Variants in SYNJ2 observed in about 807,000 individuals in gnomAD.
SYNJ2 encodes the protein polyphosphatidylinositol phosphatase SYNJ2.
In SYNJ2, 116 loss-of-function variants were observed where a neutral mutation model predicts 141.3. The observed-to-expected ratio is 0.82, with a 90% CI of 0.71 to 0.96. The LOEUF is 0.96. Ranked by LOEUF, SYNJ2 falls within the 40% of genes least tolerant of loss-of-function variation. SYNJ2 has a pLI of 0.00. For missense variants in SYNJ2, 1,873 were observed against 1,934.8 expected, an observed-to-expected ratio of 0.97 and a Z score of 0.60; for synonymous variants, 745 against 777.7, an observed-to-expected ratio of 0.96 and a Z score of 0.70.
chr6:158,098,580 A>C lies in SYNJ2; in HGVS notation c.*2216A>C, dbSNP rs1189568306. On this transcript the variant is annotated 3_prime_UTR_variant, in exon 27 of 27. Transcript: ENST00000355585. ...AATTGGAATTGCCTTATTTATTTTT[A>C]AAATCAATGCTTACTAGTTGGTAGG... The C allele has an allele frequency of 2.6e-5, 4 of 151,366 alleles. No individual in the cohort carries two copies. The highest frequency in any genetic ancestry group is 4.4e-5 in the Non-Finnish European group (3 of 67,922). The allele number at this position is 151,366 out of a possible 1,614,324, so 9.4% of individuals were successfully genotyped here.
chr6:157,981,796 T>G (rs2128311327), upstream of SYNJ2: 56 of 481,112 alleles, frequency 1.2e-4, no homozygotes, highest in Middle Eastern at 6.6e-4. The surrounding 1 kb of genome is among the most constrained non-coding windows in gnomAD (Gnocchi z 6.4). Flanking sequence ...GAGGCGCGAG[T>G]GGGGAGGAGG....
intron 4 of SYNJ2, among the ~76,000 whole-genome samples, chr6:158,039,963 G>A (rs556386976): frequency 8.5e-5 from 13 of 152,296 alleles, no homozygotes; most frequent in Admixed American, 1.3e-4. Context: ...TGCGGTCATC[G>A]TCTGGCAAAC....
chr6:158,047,206 G>T (rs1367856278), intron 5 of SYNJ2, among the ~76,000 whole-genome samples: 1 of 152,156 alleles, frequency 6.6e-6, no homozygotes, highest in African/African-American at 2.4e-5. Flanking sequence ...TGCATGCCGT[G>T]GGTCTTGTGT....
At position 158,096,022 on chromosome 6, in the gene SYNJ2, T is replaced by C. The variant is rs1472660866; in HGVS notation, c.4149T>C (p.Phe1383=). The stretch of plus-strand genomic sequence containing the variant: ...GCACCGTCTTCCCACAAGGGGACTT[T>C]CTCAGCACTTCATCTGCTACAAGCC... ...AAGTVFPQGD[F]LSTSSATSPD... is the part of the protein sequence containing the mutation. The change falls in exon 27 of 27, where the codon TTT becomes TTC. Residue 1383 remains phenylalanine, a synonymous_variant. Coordinates refer to ENST00000355585, the MANE Select transcript of SYNJ2 (RefSeq NM_003898.4). The C allele has an allele frequency of 6.2e-7, 1 of 1,614,222 alleles. No individual in the cohort carries two copies. Among genetic ancestry groups the C allele is most frequent in the Non-Finnish European group, 8.5e-7 (1 of 1,180,044 alleles).
At chr6:157,987,911 C>T (rs559549942) in intron 1 of SYNJ2, among the ~76,000 whole-genome samples, 12 of 152,344 alleles carry the variant, frequency 7.9e-5, no homozygotes, top group African/African-American at 2.4e-4. Flanking sequence ...TGGGAAGGGT[C>T]GACCACAGCC....
rs776920911 is a variant in SYNJ2 at position 158,083,592 on chromosome 6, C to G, written c.3029C>G (p.Ser1010Ter). Residue 1010 changes from serine (S) to a stop codon, truncating the protein, a stop_gained, in exon 21 of 27, where the codon TCA becomes TGA. Transcript: ENST00000355585. LOFTEE classifies it high-confidence loss of function. ...GACTTCACAAGTTTGGACTATGAGTCAGAAGGTTAGTGACCCTGCAGGGAG... is the reference window on the plus strand; with the variant it reads ...GACTTCACAAGTTTGGACTATGAGTGAGAAGGTTAGTGACCCTGCAGGGAG... ...NFDFTSLDYE[S>*]EGDILEDDED... 1.2e-6 allele frequency: 2 copies of G among 1,614,120 alleles called. No homozygotes were observed. The highest frequency in any genetic ancestry group is 8.5e-7 in the Non-Finnish European group (1 of 1,180,020).
chr6:158,087,121 G>A (rs1783101522), intron 23 of SYNJ2, 132 bp downstream of exon 23: 1 of 1,078,800 alleles, frequency 9.3e-7, no homozygotes, highest in East Asian at 2.6e-5. Flanking sequence ...CTCCTCCTTG[G>A]GCTCCGTTTT....
intron 24 of SYNJ2, among the ~76,000 whole-genome samples, 159 bp from the exon 25 acceptor site, chr6:158,089,680 C>T (rs1783304938): frequency 6.6e-6 from 1 of 151,874 alleles, no homozygotes; most frequent in African/African-American, 2.4e-5. Flanking sequence ...AGAGAGTGCT[C>T]CAGGAAAGAG....
chr6:158,051,712 C>G (rs975507757), intron 5 of SYNJ2, among the ~76,000 whole-genome samples: 2 of 150,590 alleles, frequency 1.3e-5, no homozygotes, highest in African/African-American at 4.9e-5. Flanking sequence ...TTTGAGAGGC[C>G]GAGGTGGGTG....
Position 158,092,955 on chromosome 6 carries a change from G to A in SYNJ2, c.3595G>A (p.Ala1199Thr), listed in dbSNP as rs751190012. 8.7e-6 allele frequency: 14 copies of A among 1,601,390 alleles called. No homozygotes were observed. The highest frequency in any genetic ancestry group is 1.4e-5 in the African/African-American group (1 of 73,560). ...GASEEALSAV[A>T]PRDLEASSEP... Reference sequence around the variant, plus strand: ...CTCCGAAGAAGCCCTAAGTGCCGTGGCCCCAAGGGACCTTGAAGCATCCTC... The same window carrying A: ...CTCCGAAGAAGCCCTAAGTGCCGTGACCCCAAGGGACCTTGAAGCATCCTC... The change falls in exon 26 of 27, where the codon GCC becomes ACC. Residue 1199 changes from alanine to threonine, a missense_variant. Coordinates refer to ENST00000355585, the MANE Select transcript of SYNJ2 (RefSeq NM_003898.4).
chr6:158,067,700 C>T (rs1781651050), intron 12 of SYNJ2: 2 of 985,200 alleles, frequency 2.0e-6, no homozygotes, highest in Admixed American at 6.1e-5. Context: ...CTGGGTAGTA[C>T]CCAGAGCCCC....
intron 8 of SYNJ2, among the ~76,000 whole-genome samples, chr6:158,063,041 A>G (rs537758993): frequency 4.7e-4 from 71 of 152,300 alleles, no homozygotes; most frequent in Middle Eastern, 3.4e-3. Flanking sequence ...AAGCAAATAT[A>G]TATATTCAAT....
rs112555372 is a variant in SYNJ2 at position 158,033,295 on chromosome 6, G to A, written c.486-160G>A. 4.1e-3 allele frequency among the ~76,000 whole-genome samples: 626 copies of A among 152,338 alleles called. 3 individuals are homozygous for A. Among genetic ancestry groups the A allele is most frequent in the African/African-American group, 0.014 (585 of 41,570 alleles). On this transcript the variant is annotated intron_variant, in intron 3 of 26. Coordinates refer to ENST00000355585, the MANE Select transcript of SYNJ2 (RefSeq NM_003898.4). ...TGAAGCACATGAACTTCCCAGATCTGTACAGCCCAAGTGCAGAGTCCACTG... is the reference window on the plus strand; with the variant it reads ...TGAAGCACATGAACTTCCCAGATCTATACAGCCCAAGTGCAGAGTCCACTG...
Position 157,982,728 on chromosome 6 carries a change from G to C in SYNJ2, c.127+640G>C, listed in dbSNP as rs1005532657. ...GGCATTGTGCTATGGGCTTTAGTAC[G>C]TGATCTCACTTAATTCTCACAATTC... On this transcript the variant is annotated intron_variant, in intron 1 of 26. Transcript: ENST00000355585. This position sits in a 1 kb window ranked among gnomAD's most constrained non-coding sequence, Gnocchi z 4.0. Among the ~76,000 whole-genome samples, 2 of 152,168 alleles carry C rather than the reference G, an allele frequency of 1.3e-5. No individual in the cohort carries two copies. The highest frequency in any genetic ancestry group is 2.9e-5 in the Non-Finnish European group (2 of 68,032).
At chr6:158,004,607 C>T (rs1237567090) in intron 1 of SYNJ2, among the ~76,000 whole-genome samples, 5 of 152,192 alleles carry the variant, frequency 3.3e-5, no homozygotes, top group African/African-American at 1.2e-4. Flanking sequence ...TAAAAATGGG[C>T]AACCAGCAGC....
At chr6:157,998,685 T>G (rs922916475) in intron 1 of SYNJ2, among the ~76,000 whole-genome samples, 6 of 152,212 alleles carry the variant, frequency 3.9e-5, no homozygotes, top group Non-Finnish European at 5.9e-5. Flanking sequence ...TTTCACAGTG[T>G]TACGGCATGG....
At chr6:158,011,606 T>C (rs1484004559) in intron 1 of SYNJ2, among the ~76,000 whole-genome samples, 1 of 152,210 alleles carries the variant, frequency 6.6e-6, no homozygotes. Flanking sequence ...TGTGCTTAAT[T>C]TTCCCAGTGG....
At position 158,095,755 on chromosome 6, in the gene SYNJ2, T is replaced by G. The variant is rs760323227; in HGVS notation, c.3882T>G (p.Pro1294=). ...TTCCCAAACCAAGAACATTTCAGCC[T>G]GGGAAAGCTGCAGAGAGGCCAAGCC... ...PPVPKPRTFQ[P]GKAAERPSHR... is the part of the protein sequence containing the mutation. Residue 1294 remains proline (P), a synonymous_variant, in exon 27 of 27, where the codon CCT becomes CCG. Coordinates refer to ENST00000355585, the MANE Select transcript of SYNJ2 (RefSeq NM_003898.4). 4 of 1,614,058 alleles carry G rather than the reference T, an allele frequency of 2.5e-6. No individual in the cohort carries two copies. In the South Asian group the frequency reaches 4.4e-5, roughly 18 times the overall value.
intron 5 of SYNJ2, among the ~76,000 whole-genome samples, chr6:158,052,174 C>G (rs1455853529): frequency 6.6e-6 from 1 of 152,152 alleles, no homozygotes; most frequent in Non-Finnish European, 1.5e-5. Context: ...GCTGACACTA[C>G]TTTTACAACA....
Sources: allele counts gnomAD v4.1 joint callset (sites outside exome capture counted in the v4.1 genomes callset), GRCh38; gene constraint gnomAD v4.1.1; non-coding constraint Gnocchi (gnomAD v3.1); transcripts MANE v1.5; gene names NCBI Gene and HGNC (gene_info 2026-07-23, HGNC 2026-07-21).